The following RNASE13 variants were observed in gnomAD, a reference collection of about 807,000 sequenced individuals.
The protein encoded by RNASE13 is probable inactive ribonuclease-like protein 13.
For missense variants in RNASE13, 188 were observed against 192.8 expected (o/e 0.98, Z 0.15); for synonymous variants, 67 against 71.6 (o/e 0.94, Z 0.32).
rs763902912 is a variant in RNASE13, at chr14:21,033,889, GCTT to G, written c.397_399del (p.Lys133del). 1 of 1,614,158 alleles carries G rather than the reference GCTT, an allele frequency of 6.2e-7. No homozygotes were observed. The highest frequency in any genetic ancestry group is 1.7e-5 in the Admixed American group (1 of 60,022). On this transcript the variant is annotated inframe_deletion, in exon 2 of 2. Transcript: ENST00000382951. ...TACTTGCGGGAGCAGAGTAGGTAGA[GCTT>G]CTGGTTGGTTAGGGTGCTATTGTAG...
chr14:21,033,985 G>C lies in RNASE13; in HGVS notation c.304C>G (p.Leu102Val), dbSNP rs533949543. ...GTGATGGGGAGGGAATCCTGGGTGA[G>C]TGTGCAGTATTCATTGTAATTCTCA... ...FCENYNEYCT[L>V]TQDSLPITVC... Residue 102 changes from leucine (L) to valine (V), a missense_variant, in exon 2 of 2, where the codon CTC becomes GTC. Physicochemically the swap from Leu to Val is conservative, Grantham distance 32 (BLOSUM62 1). Coordinates refer to ENST00000382951, the MANE Select transcript of RNASE13 (RefSeq NM_001012264.4). The C allele has an allele frequency of 8.1e-6, 13 of 1,613,968 alleles. No individual in the cohort carries two copies. The highest frequency in any genetic ancestry group is 1.1e-5 in the Non-Finnish European group (13 of 1,179,986).
At position 21,034,079 on chromosome 14, in the gene RNASE13, C is replaced by G. The variant is rs1359112292; in HGVS notation, c.210G>C (p.Lys70Asn). 1.2e-6 allele frequency: 2 copies of G among 1,614,036 alleles called. No individual in the cohort carries two copies. The highest frequency in any genetic ancestry group is 1.7e-6 in the Non-Finnish European group (2 of 1,180,042). Residue 70 changes from lysine (K) to asparagine (N), a missense_variant, in exon 2 of 2, where the codon AAG becomes AAC. Transcript: ENST00000382951. ...AAGGGGCATGTATCACATAATGGATCTTTGGGCAATCTGAATTTTGCATCT... is the reference window on the plus strand; with the variant it reads ...AAGGGGCATGTATCACATAATGGATGTTTGGGCAATCTGAATTTTGCATCT... The part of the protein sequence containing the change: ...RGKMQNSDCP[K>N]IHYVIHAPWK...
In RNASE13 at chr14:21,033,008, C is replaced by A; in HGVS notation, c.*810G>T. The A allele has an allele frequency of 2.2e-6, 1 of 455,230 alleles. No homozygotes were observed. Among genetic ancestry groups the A allele is most frequent in the Non-Finnish European group, 4.4e-6 (1 of 226,588 alleles). The allele number at this position is 455,230 out of a possible 1,614,324, so 28.2% of individuals were successfully genotyped here. A position where few individuals can be genotyped will look rare whatever the true frequency, so the allele number is the denominator to read the frequency against. On this transcript the variant is annotated 3_prime_UTR_variant, in exon 2 of 2. Coordinates refer to ENST00000382951, the MANE Select transcript of RNASE13 (RefSeq NM_001012264.4). ...GCCTCATTCGCTGCCTGGTCAGGGG[C>A]AGACTCTGGAGTCTGGGGGATTTGG...
In RNASE13 at chr14:21,033,417, T is replaced by C; in HGVS notation, c.*401A>G. 2 of 281,502 alleles carry C rather than the reference T, an allele frequency of 7.1e-6. No individual in the cohort carries two copies. Among genetic ancestry groups the C allele is most frequent in the South Asian group, 8.0e-5 (2 of 25,064 alleles). The allele number at this position is 281,502 out of a possible 1,614,324, so 17.4% of individuals were successfully genotyped here. On this transcript the variant is annotated 3_prime_UTR_variant, in exon 2 of 2. Coordinates refer to ENST00000382951, the MANE Select transcript of RNASE13 (RefSeq NM_001012264.4). ...CTGGGGGAGGCTGACATGAGAAGGCTGGTGGGGATGGGGAGGTGAGACTCG... is the reference window on the plus strand; with the variant it reads ...CTGGGGGAGGCTGACATGAGAAGGCCGGTGGGGATGGGGAGGTGAGACTCG...
At position 21,032,945 on chromosome 14, in the gene RNASE13, G is replaced by A; in HGVS notation, c.*873C>T. ...ATGGTTACATCTTACATACTCAGAT[G>A]TGGTTTTAGAAATTTATGTTCGATT... On this transcript the variant is annotated 3_prime_UTR_variant, in exon 2 of 2. Coordinates refer to ENST00000382951, the MANE Select transcript of RNASE13 (RefSeq NM_001012264.4). 1 of 456,118 alleles carries A rather than the reference G, an allele frequency of 2.2e-6. No individual in the cohort carries two copies. Among genetic ancestry groups the A allele is most frequent in the Non-Finnish European group, 4.4e-6 (1 of 226,974 alleles). 28.3% of individuals were successfully genotyped at this position (456,118 alleles called of 1,614,324 possible). A position where few individuals can be genotyped will look rare whatever the true frequency, so the allele number is the denominator to read the frequency against.
rs1188953007 is a variant in RNASE13, at chr14:21,034,106, G to T, written c.183C>A (p.Gly61=). 3.1e-6 allele frequency: 5 copies of T among 1,614,054 alleles called. 1 individual carries two copies. Among genetic ancestry groups the T allele is most frequent in the Middle Eastern group, 3.3e-4 (2 of 6,084 alleles). Residue 61 remains glycine (G), a synonymous_variant, in exon 2 of 2, where the codon GGC becomes GGA. Transcript: ENST00000382951. ...YCNGLMSYMR[G]KMQNSDCPKI... is the part of the protein sequence containing the mutation. ...TTGGGCAATCTGAATTTTGCATCTT[G>T]CCTCGCATATAGGACATCAGACCAT...
Position 21,034,227 on chromosome 14 carries a change from A to T in RNASE13, c.62T>A (p.Met21Lys), listed in dbSNP as rs926250843. 3.7e-6 allele frequency: 6 copies of T among 1,614,154 alleles called. No individual in the cohort carries two copies. Among genetic ancestry groups the T allele is most frequent in the Non-Finnish European group, 5.1e-6 (6 of 1,180,008 alleles). Residue 21 changes from methionine to lysine, a missense_variant, in exon 2 of 2, where the codon ATG becomes AAG. Physicochemically the swap from Met to Lys is moderately conservative, Grantham distance 95. Coordinates refer to ENST00000382951, the MANE Select transcript of RNASE13 (RefSeq NM_001012264.4). Reference protein sequence around the residue: ...LQLVLGPTLVMDIKMQIGSRN... With the variant: ...LQLVLGPTLVKDIKMQIGSRN... ...GCTGCCAATCTGCATCTTGATGTCCATGACCAGAGTTGGCCCCAGAACAAG... is the reference window on the plus strand; with the variant it reads ...GCTGCCAATCTGCATCTTGATGTCCTTGACCAGAGTTGGCCCCAGAACAAG...
chr14:21,033,962 G>A lies in RNASE13; in HGVS notation c.327C>T (p.Ile109=), dbSNP rs867455498. The change falls in exon 2 of 2, where the codon ATC becomes ATT. Residue 109 remains isoleucine (I), a synonymous_variant. Transcript: ENST00000382951. ...GTTGGTGGCTCAGGGAGCAGACCGT[G>A]ATGGGGAGGGAATCCTGGGTGAGTG... ...YCTLTQDSLP[I]TVCSLSHQQP... is the part of the protein sequence containing the mutation. 6 of 1,613,966 alleles carry A rather than the reference G, an allele frequency of 3.7e-6. No individual in the cohort carries two copies. In the African/African-American group the frequency reaches 4.0e-5, roughly 11 times the overall value.
In RNASE13 at chr14:21,033,583, A is replaced by G. The variant is rs1268410; in HGVS notation, c.*235T>C. 0.17 allele frequency: 97,574 copies of G among 568,920 alleles called. 10,034 individuals carry two copies. The highest frequency in any genetic ancestry group is 0.43 in the East Asian group (14,436 of 33,824). The allele number at this position is 568,920 out of a possible 1,614,324, so 35.2% of individuals were successfully genotyped here. ...TGGGTTTTACTGTCTCTGGGAGAGG[A>G]AGGATGATGAGGAGGTGGGGGCGAA... On this transcript the variant is annotated 3_prime_UTR_variant, in exon 2 of 2. Coordinates refer to ENST00000382951, the MANE Select transcript of RNASE13 (RefSeq NM_001012264.4).
In RNASE13 at chr14:21,034,171, G is replaced by A. The variant is rs758575604; in HGVS notation, c.118C>T (p.Pro40Ser). Reference protein sequence around the residue: ...RNFYTLSIDYPRVNYPKGFRG... With the variant: ...RNFYTLSIDYSRVNYPKGFRG... ...AAACCCTTTGGGTAGTTAACCCTGG[G>A]ATAGTCAATGCTTAAGGTATAGAAG... is the stretch of plus-strand genomic sequence containing the variant. The change falls in exon 2 of 2, where the codon CCC becomes TCC. Residue 40 changes from proline (P) to serine (S), a missense_variant. By Grantham distance (74) the Pro-to-Ser change is moderately conservative (BLOSUM62 -1). Transcript: ENST00000382951. 1 of 1,614,060 alleles carries A rather than the reference G, an allele frequency of 6.2e-7. No individual in the cohort carries two copies. Among genetic ancestry groups the A allele is most frequent in the Non-Finnish European group, 8.5e-7 (1 of 1,179,978 alleles).
Position 21,033,183 on chromosome 14 carries a change from G to A in RNASE13, c.*635C>T, listed in dbSNP as rs934146877. 3 of 365,648 alleles carry A rather than the reference G, an allele frequency of 8.2e-6. No homozygotes were observed. The highest frequency in any genetic ancestry group is 3.7e-5 in the Admixed American group (1 of 26,836). 22.7% of individuals were successfully genotyped at this position (365,648 alleles called of 1,614,324 possible). A position where few individuals can be genotyped will look rare whatever the true frequency, so the allele number is the denominator to read the frequency against. On this transcript the variant is annotated 3_prime_UTR_variant, in exon 2 of 2. Coordinates refer to ENST00000382951, the MANE Select transcript of RNASE13 (RefSeq NM_001012264.4). ...GGGTGACTACGGTTGTTGGGAGTGT[G>A]GGGGAGACAGTCCTAGGCTCCATGG... is the stretch of plus-strand genomic sequence containing the variant.
Position 21,033,876 on chromosome 14 carries a change from C to A in RNASE13, c.413G>T (p.Cys138Phe), listed in dbSNP as rs752656495. 2 of 1,614,072 alleles carry A rather than the reference C, an allele frequency of 1.2e-6. No homozygotes were observed. Among genetic ancestry groups the A allele is most frequent in the East Asian group, 2.2e-5 (1 of 44,868 alleles). Reference protein sequence around the residue: ...TLTNQKLYLLCSRKYEADPIG... With the variant: ...TLTNQKLYLLFSRKYEADPIG... ...TGGATCAGCTTCATACTTGCGGGAG[C>A]AGAGTAGGTAGAGCTTCTGGTTGGT... The change falls in exon 2 of 2, where the codon TGC becomes TTC. Residue 138 changes from cysteine (C) to phenylalanine (F), a missense_variant. By Grantham distance (205) the Cys-to-Phe change is radical (BLOSUM62 -2). Coordinates refer to ENST00000382951, the MANE Select transcript of RNASE13 (RefSeq NM_001012264.4).
Position 21,034,269 on chromosome 14 carries a change from C to A in RNASE13, c.20G>T (p.Arg7Leu), listed in dbSNP as rs372779444. MAPAVT[R>L]LLFLQLVLGP... The stretch of plus-strand genomic sequence containing the variant: ...CAGAACAAGCTGGAGGAAAAGGAGC[C>A]GGGTCACAGCTGGTGCCATTCCTCC... Residue 7 changes from arginine (R) to leucine (L), a missense_variant, in exon 2 of 2, where the codon CGG (arginine) becomes CTG (leucine). Transcript: ENST00000382951. The A allele has an allele frequency of 2.5e-6, 4 of 1,611,950 alleles. No homozygotes were observed. In the Admixed American group the frequency reaches 6.7e-5, roughly 27 times the overall value.
Position 21,033,883 on chromosome 14 carries a change from G to C in RNASE13, c.406C>G (p.Leu136Val), listed in dbSNP as rs753104359. The C allele has an allele frequency of 1.2e-6, 2 of 1,614,102 alleles. No homozygotes were observed. The highest frequency in any genetic ancestry group is 1.7e-6 in the Non-Finnish European group (2 of 1,179,976). Residue 136 changes from leucine (L) to valine (V), a missense_variant, in exon 2 of 2, where the codon CTA (leucine) becomes GTA (valine). Leu to Val is a conservative substitution (Grantham distance 32). Coordinates refer to ENST00000382951, the MANE Select transcript of RNASE13 (RefSeq NM_001012264.4). ...GCTTCATACTTGCGGGAGCAGAGTA[G>C]GTAGAGCTTCTGGTTGGTTAGGGTG... ...NSTLTNQKLY[L>V]LCSRKYEADP... is the part of the protein sequence containing the mutation.
In RNASE13 at chr14:21,033,202, T is replaced by C. The variant is rs753748409; in HGVS notation, c.*616A>G. 1 of 343,262 alleles carries C rather than the reference T, an allele frequency of 2.9e-6. No homozygotes were observed. Among genetic ancestry groups the C allele is most frequent in the Non-Finnish European group, 5.7e-6 (1 of 176,092 alleles). The allele number at this position is 343,262 out of a possible 1,614,324, so 21.3% of individuals were successfully genotyped here. A position where few individuals can be genotyped will look rare whatever the true frequency, so the allele number is the denominator to read the frequency against. ...GAGTGTGGGGGAGACAGTCCTAGGC[T>C]CCATGGTAAGAGGAAGCAGGAGAGG... On this transcript the variant is annotated 3_prime_UTR_variant, in exon 2 of 2. Coordinates refer to ENST00000382951, the MANE Select transcript of RNASE13 (RefSeq NM_001012264.4).
chr14:21,034,443 C>CT (rs1459472337), intron 1 of RNASE13, 147 bp from the exon 2 acceptor site: 1 of 642,074 alleles, frequency 1.6e-6, no homozygotes, highest in East Asian at 2.7e-5. Context: ...AGAGGAGATG[C>CT]TTGCCCAAGG....
At position 21,033,620 on chromosome 14, in the gene RNASE13, C is replaced by T; in HGVS notation, c.*198G>A. ...GAGGTGGGGGCGAAGAGGGGGTAAA[C>T]AAGCTGGAAAGAACCTAGAAGATAG... On this transcript the variant is annotated 3_prime_UTR_variant, in exon 2 of 2. Coordinates refer to ENST00000382951, the MANE Select transcript of RNASE13 (RefSeq NM_001012264.4). The T allele has an allele frequency of 1.7e-6, 1 of 600,130 alleles. No individual in the cohort carries two copies. 37.2% of individuals were successfully genotyped at this position (600,130 alleles called of 1,614,324 possible). A position where few individuals can be genotyped will look rare whatever the true frequency, so the allele number is the denominator to read the frequency against.
rs1331724805 is a variant in RNASE13, at chr14:21,034,805, G to A, written c.-158C>T. ...AAAAATCAGTCTGGGAGGAGGGAAT[G>A]TCCCCGAGTTTGATGAGCCCCTGTG... is the stretch of plus-strand genomic sequence containing the variant. On this transcript the variant is annotated 5_prime_UTR_variant, in exon 1 of 2. Transcript: ENST00000382951. The A allele has an allele frequency of 1.3e-5, 2 of 155,264 alleles. No homozygotes were observed. Among genetic ancestry groups the A allele is most frequent in the Admixed American group, 1.3e-4 (2 of 15,690 alleles). 9.6% of individuals were successfully genotyped at this position (155,264 alleles called of 1,614,324 possible).
Position 21,032,946 on chromosome 14 carries a change from T to G in RNASE13, c.*872A>C, listed in dbSNP as rs774336342. 2.2e-6 allele frequency: 1 copy of G among 455,998 alleles called. No individual in the cohort carries two copies. 28.2% of individuals were successfully genotyped at this position (455,998 alleles called of 1,614,324 possible). A position where few individuals can be genotyped will look rare whatever the true frequency, so the allele number is the denominator to read the frequency against. On this transcript the variant is annotated 3_prime_UTR_variant, in exon 2 of 2. Transcript: ENST00000382951. ...TGGTTACATCTTACATACTCAGATG[T>G]GGTTTTAGAAATTTATGTTCGATTA...
Sources: allele counts gnomAD v4.1 joint callset, GRCh38; gene constraint gnomAD v4.1.1; transcripts MANE v1.5; gene names NCBI Gene and HGNC (gene_info 2026-07-23, HGNC 2026-07-21).